The following PDE4B variants were observed in gnomAD, a reference collection of about 807,000 sequenced individuals.
PDE4B encodes phosphodiesterase 4B.
In PDE4B, 20 loss-of-function variants were observed where a neutral mutation model predicts 82.2. The ratio of observed to expected loss-of-function variants is 0.24; its 90% CI spans 0.17 to 0.35. The LOEUF is 0.35. PDE4B is among the 10% of genes least tolerant of loss of function. The probability of loss-of-function intolerance (pLI) is 1.00; values close to 1 mark genes in which losing one functional copy is unlikely to be tolerated. For synonymous variants in PDE4B, 320 were observed against 318.9 expected, an observed-to-expected ratio of 1.00 and a Z score of -0.04; for missense variants, 655 against 907.2, an observed-to-expected ratio of 0.72 and a Z score of 3.57.
chr1:65,833,620 A>C (rs1231152650), intron 1 of PDE4B, among the ~76,000 whole-genome samples: 1 of 152,214 alleles, frequency 6.6e-6, no homozygotes, highest in Non-Finnish European at 1.5e-5. Context: ...CACTTCTAGC[A>C]TCAGAGGTTT....
At chr1:65,906,386 TA>T (rs560887115) in intron 1 of PDE4B, among the ~76,000 whole-genome samples, 4 of 152,242 alleles carry the variant, frequency 2.6e-5, no homozygotes, top group African/African-American at 7.2e-5. Context: ...ACCAGGTTAT[TA>T]ATAGATTTGA....
At chr1:66,365,338 T>A (rs1265012309) in intron 12 of PDE4B, among the ~76,000 whole-genome samples, 1 of 152,206 alleles carries the variant, frequency 6.6e-6, no homozygotes, top group African/African-American at 2.4e-5. Flanking sequence ...TGTATCTGCT[T>A]GTGTTACATA....
intron 3 of PDE4B, among the ~76,000 whole-genome samples, chr1:66,158,021 G>A (rs2101236486): frequency 6.6e-6 from 1 of 152,244 alleles, no homozygotes; most frequent in East Asian, 1.9e-4. Context: ...TGTTGATGAG[G>A]TATGGGTTTA....
chr1:66,083,945 G>T (rs1033851306), intron 3 of PDE4B, among the ~76,000 whole-genome samples: 8 of 152,128 alleles, frequency 5.3e-5, no homozygotes, highest in African/African-American at 1.4e-4. Flanking sequence ...TCCATGTTAT[G>T]TCATAATCTC....
intron 1 of PDE4B, among the ~76,000 whole-genome samples, chr1:65,876,807 C>T (rs987878336): frequency 6.6e-6 from 1 of 151,758 alleles, no homozygotes; most frequent in Non-Finnish European, 1.5e-5. Flanking sequence ...ATAATTGCTA[C>T]AAAAAAATAA....
At chr1:65,844,662 A>G (rs1646248571) in intron 1 of PDE4B, among the ~76,000 whole-genome samples, 1 of 152,210 alleles carries the variant, frequency 6.6e-6, no homozygotes, top group Admixed American at 6.6e-5. Flanking sequence ...GACCAAAACC[A>G]AAAAGGCTGC....
intron 1 of PDE4B, among the ~76,000 whole-genome samples, chr1:65,889,660 T>A (rs769665009): frequency 3.9e-5 from 6 of 152,164 alleles, no homozygotes; most frequent in Non-Finnish European, 5.9e-5. Context: ...AACATCTGTC[T>A]GAGAGTTGGT....
chr1:66,097,506 G>A (rs988476976), intron 3 of PDE4B, among the ~76,000 whole-genome samples: 2 of 151,994 alleles, frequency 1.3e-5, no homozygotes, highest in Non-Finnish European at 2.9e-5. Context: ...CACTGGATAT[G>A]ATAGTTTCTA....
At chr1:66,370,782 C>T (rs2050730735) in intron 16 of PDE4B, among the ~76,000 whole-genome samples, 1 of 152,070 alleles carries the variant, frequency 6.6e-6, no homozygotes, top group Admixed American at 6.5e-5. Context: ...CAATTTTCTC[C>T]ATTACCTTGA....
chr1:66,125,540 G>A (rs1301523354), intron 3 of PDE4B, among the ~76,000 whole-genome samples: 2 of 152,200 alleles, frequency 1.3e-5, no homozygotes, highest in Non-Finnish European at 2.9e-5. Context: ...TATGAGAAGT[G>A]TTTTGGGCTT....
At chr1:65,815,005 C>T (rs1475843944) in intron 1 of PDE4B, among the ~76,000 whole-genome samples, 2 of 151,010 alleles carry the variant, frequency 1.3e-5, no homozygotes, top group African/African-American at 4.9e-5. Context: ...TTCATTAATT[C>T]TTCATTCAAC....
intron 3 of PDE4B, among the ~76,000 whole-genome samples, chr1:65,974,529 T>G (rs973912927): frequency 2.0e-5 from 3 of 152,222 alleles, no homozygotes; most frequent in African/African-American, 7.2e-5. Context: ...GCATCTTTGT[T>G]TCTATTCATT....
At chr1:65,994,830 A>G (rs12567613) in intron 3 of PDE4B, among the ~76,000 whole-genome samples, 31,872 of 152,012 alleles carry the variant, frequency 0.21, 4,102 homozygotes, top group East Asian at 0.38. Flanking sequence ...TTCTGAACAC[A>G]ATAGTGTGAC....
intron 3 of PDE4B, among the ~76,000 whole-genome samples, chr1:65,921,360 T>C (rs956909290): frequency 2.0e-5 from 3 of 152,280 alleles, no homozygotes; most frequent in African/African-American, 7.2e-5. Context: ...AGGAATCTGA[T>C]TAAAAAATGA....
At chr1:66,267,309 A>G (rs1359412531) in intron 7 of PDE4B, 1 of 152,272 alleles carries the variant, frequency 6.6e-6, no homozygotes, top group Non-Finnish European at 1.5e-5. Flanking sequence ...TTTTATAAAA[A>G]GAAACAAAAT....
intron 3 of PDE4B, among the ~76,000 whole-genome samples, chr1:66,066,840 T>C (rs923818614): frequency 6.6e-6 from 1 of 151,958 alleles, no homozygotes; most frequent in Non-Finnish European, 1.5e-5. Flanking sequence ...GATGTGATTT[T>C]AGGTATGTTA....
At chr1:66,313,428 C>T (rs1055792663) in intron 7 of PDE4B, among the ~76,000 whole-genome samples, 10 of 152,130 alleles carry the variant, frequency 6.6e-5, no homozygotes, top group Non-Finnish European at 1.2e-4. Flanking sequence ...CTTTCTATTT[C>T]GTGGAGGGAA....
At chr1:66,205,622 A>G (rs968941165) in intron 3 of PDE4B, among the ~76,000 whole-genome samples, 1 of 152,244 alleles carries the variant, frequency 6.6e-6, no homozygotes, top group Non-Finnish European at 1.5e-5. Context: ...CAATAGAATA[A>G]TATATATTAA....
chr1:66,067,086 C>G (rs999048642), intron 3 of PDE4B, among the ~76,000 whole-genome samples: 3 of 152,042 alleles, frequency 2.0e-5, no homozygotes, highest in Non-Finnish European at 4.4e-5. Flanking sequence ...TCCAGTCTAT[C>G]ATTTATGGAC....
Sources: gnomAD v4.1 joint callset for allele counts (sites outside exome capture counted in the v4.1 genomes callset) on GRCh38, gnomAD v4.1.1 for gene constraint, MANE v1.5 for transcripts, NCBI Gene and HGNC (gene_info 2026-07-23, HGNC 2026-07-21) for gene names.